UBASH3B: variants seen among roughly 807,000 people sequenced by gnomAD.
UBASH3B encodes the protein ubiquitin associated and SH3 domain containing B.
In UBASH3B, 37 loss-of-function variants were observed where a neutral mutation model predicts 83.4. The observed-to-expected ratio is 0.44, with a 90% CI of 0.34 to 0.58. The LOEUF (loss-of-function observed/expected upper bound fraction) is 0.58. UBASH3B is among the 20% of genes least tolerant of loss of function. UBASH3B has a pLI of 0.01. For missense variants in UBASH3B, 657 were observed against 827.2 expected (o/e 0.79, Z 2.52); for synonymous variants, 304 against 318.3 (o/e 0.96, Z 0.48).
chr11:122,657,941 T>G (rs1863385617), intron 1 of UBASH3B, among the ~76,000 whole-genome samples: 1 of 151,904 alleles, frequency 6.6e-6, no homozygotes, highest in African/African-American at 2.4e-5. Context: ...TTTGGGAGGC[T>G]GAGGCAGCCG....
chr11:122,694,902 G>A (rs767254666), intron 1 of UBASH3B, among the ~76,000 whole-genome samples: 15 of 148,500 alleles, frequency 1.0e-4, no homozygotes, highest in Non-Finnish European at 2.2e-4. Flanking sequence ...CCATCCACCA[G>A]TGATGTGCTT....
At chr11:122,661,967 C>T (rs532551054) in intron 1 of UBASH3B, among the ~76,000 whole-genome samples, 6 of 145,800 alleles carry the variant, frequency 4.1e-5, no homozygotes, top group Non-Finnish European at 8.9e-5. Context: ...AGTGCAATGG[C>T]GTGATCTCAG....
chr11:122,738,374 T>C (rs1211696754), intron 1 of UBASH3B, among the ~76,000 whole-genome samples: 1 of 152,124 alleles, frequency 6.6e-6, no homozygotes, highest in African/African-American at 2.4e-5. Flanking sequence ...ATTGAGCACT[T>C]GAGAGAGGCT....
chr11:122,781,728 A>G (rs537958922), intron 4 of UBASH3B, among the ~76,000 whole-genome samples: 1 of 152,366 alleles, frequency 6.6e-6, no homozygotes, highest in African/African-American at 2.4e-5. Flanking sequence ...TGGCAGGACC[A>G]GATATCATCA....
intron 9 of UBASH3B, among the ~76,000 whole-genome samples, chr11:122,797,669 G>A (rs2135176349): frequency 6.6e-6 from 1 of 152,284 alleles, no homozygotes; most frequent in African/African-American, 2.4e-5. Context: ...GATATGCATA[G>A]AGCTATGCAT....
intron 1 of UBASH3B, among the ~76,000 whole-genome samples, chr11:122,671,785 T>G (rs546273462): frequency 2.0e-4 from 30 of 152,322 alleles, no homozygotes; most frequent in South Asian, 8.3e-4. Context: ...GCGTGACTGG[T>G]GAAGACTTCC....
At chr11:122,773,169 G>A (rs58807745) in intron 1 of UBASH3B, among the ~76,000 whole-genome samples, 4,477 of 152,270 alleles carry the variant, frequency 0.029, 210 homozygotes, top group African/African-American at 0.1. Flanking sequence ...GGTCCACTCC[G>A]CATACTCCCA....
rs144178423 is a variant in UBASH3B at position 122,799,811 on chromosome 11, G to T, written c.1450+777G>T. 3.3e-5 allele frequency among the ~76,000 whole-genome samples: 5 copies of T among 152,170 alleles called. No homozygotes were observed. The East Asian group carries it at 7.7e-4, about 23-fold the overall frequency. ...CTTTCACCCTAAAATCTGTGGAAGCGTGAGTTACAGGTATCTCCATTCTCA... is the reference window on the plus strand; with the variant it reads ...CTTTCACCCTAAAATCTGTGGAAGCTTGAGTTACAGGTATCTCCATTCTCA... On this transcript the variant is annotated intron_variant, in intron 10 of 13. Transcript: ENST00000284273.
chr11:122,737,416 A>G (rs1478795504), intron 1 of UBASH3B, among the ~76,000 whole-genome samples: 1 of 152,162 alleles, frequency 6.6e-6, no homozygotes, highest in African/African-American at 2.4e-5. Context: ...CCTAATGATG[A>G]ATTAGATAGG....
intron 1 of UBASH3B, among the ~76,000 whole-genome samples, chr11:122,705,464 A>AAAAAAAAG (rs1418304767): frequency 6.6e-6 from 1 of 151,822 alleles, no homozygotes; most frequent in Non-Finnish European, 1.5e-5. Context: ...TAAAAAAAAA[A>AAAAAAAAG]AAAAAAAGAA....
At chr11:122,790,359 C>G (rs1861031523) in intron 6 of UBASH3B, among the ~76,000 whole-genome samples, 1 of 152,118 alleles carries the variant, frequency 6.6e-6, no homozygotes, top group Non-Finnish European at 1.5e-5. Flanking sequence ...TCACTCTGCT[C>G]CCACCTCAGC....
At chr11:122,776,911 C>A in intron 2 of UBASH3B, 113 bp from the exon 3 acceptor site, 1 of 1,018,672 alleles carries the variant, frequency 9.8e-7, no homozygotes, top group Non-Finnish European at 1.4e-6. Flanking sequence ...AAAACCCTTC[C>A]CCGCGCTGTG....
chr11:122,685,603 A>G (rs1863799078), intron 1 of UBASH3B, among the ~76,000 whole-genome samples: 1 of 152,072 alleles, frequency 6.6e-6, no homozygotes. Context: ...TGCAACCTCC[A>G]CTTCCTGGGT....
rs962255634 is a variant in UBASH3B, at chr11:122,758,203, G to GCAGA, written c.162-18013_162-18010dup. Among the ~76,000 whole-genome samples, 1 of 152,206 alleles carries GCAGA rather than the reference G, an allele frequency of 6.6e-6. No individual in the cohort carries two copies. Among genetic ancestry groups the GCAGA allele is most frequent in the African/African-American group, 2.4e-5 (1 of 41,454 alleles). On this transcript the variant is annotated intron_variant, in intron 1 of 13. Transcript: ENST00000284273. The surrounding 1 kb of genome is among the most constrained non-coding windows in gnomAD (Gnocchi z 4.2). ...TCTGGGGGGTATCGTAGTTGGGCCA[G>GCAGA]CAGACACACGGCTGGCTAGAGAGTT...
chr11:122,690,403 AC>A (rs2135919102), intron 1 of UBASH3B, among the ~76,000 whole-genome samples: 1 of 151,110 alleles, frequency 6.6e-6, no homozygotes, highest in East Asian at 2.0e-4. Context: ...AATGGTAGCT[AC>A]TATTCTGAGC....
At chr11:122,687,741 C>T (rs1863826909) in intron 1 of UBASH3B, among the ~76,000 whole-genome samples, 1 of 152,114 alleles carries the variant, frequency 6.6e-6, no homozygotes, top group South Asian at 2.1e-4. Flanking sequence ...CCAGCCTCTG[C>T]ATTTCCCCCA....
At chr11:122,719,455 T>G (rs1022870109) in intron 1 of UBASH3B, among the ~76,000 whole-genome samples, 3 of 152,212 alleles carry the variant, frequency 2.0e-5, no homozygotes, top group Admixed American at 2.0e-4. Context: ...CATTACTCTC[T>G]CCTTGTCTTT....
chr11:122,660,552 A>T (rs1863425840), intron 1 of UBASH3B, among the ~76,000 whole-genome samples: 1 of 152,136 alleles, frequency 6.6e-6, no homozygotes, highest in African/African-American at 2.4e-5. Context: ...AGAAGATGGG[A>T]CAGGACTCAG....
chr11:122,800,761 C>T (rs763333531), intron 10 of UBASH3B, among the ~76,000 whole-genome samples: 111 of 151,962 alleles, frequency 7.3e-4, no homozygotes, highest in Non-Finnish European at 1.3e-3. Flanking sequence ...GTGCACGCCT[C>T]CACACCCTGT....
Sources: allele counts gnomAD v4.1 joint callset (sites outside exome capture counted in the v4.1 genomes callset), GRCh38; gene constraint gnomAD v4.1.1; non-coding constraint Gnocchi (gnomAD v3.1); transcripts MANE v1.5; gene names NCBI Gene and HGNC (gene_info 2026-07-23, HGNC 2026-07-21).